The following KAZN variants were observed in gnomAD, a reference collection of about 807,000 sequenced individuals.
KAZN encodes kazrin.
In KAZN, 40 loss-of-function variants were observed where a neutral mutation model predicts 87.4. The ratio of observed to expected loss-of-function variants is 0.46; its 90% CI spans 0.36 to 0.60. The LOEUF is 0.60. Among genes scored for constraint, KAZN ranks in the 20% least tolerant of loss-of-function variants. The pLI is 0.00. For synonymous variants in KAZN, 466 were observed against 458.3 expected, an observed-to-expected ratio of 1.02 and a Z score of -0.22; for missense variants, 898 against 1,073.9, an observed-to-expected ratio of 0.84 and a Z score of 2.29.
intron 1 of KAZN, chr1:14,930,177 G>A (rs1318359890): frequency 3.9e-5 from 26 of 669,538 alleles, no homozygotes; most frequent in Non-Finnish European, 4.6e-5. Flanking sequence ...ACTGTTTTGG[G>A]AAACACCCTC....
chr1:14,712,625 A>G (rs191137469), intron 1 of KAZN, among the ~76,000 whole-genome samples: 1 of 152,192 alleles, frequency 6.6e-6, no homozygotes, highest in East Asian at 1.9e-4. Flanking sequence ...CATTTCATGA[A>G]AGGTCACTCT....
At chr1:14,982,570 C>T (rs1028162356) in intron 2 of KAZN, among the ~76,000 whole-genome samples, 3 of 152,090 alleles carry the variant, frequency 2.0e-5, no homozygotes, top group African/African-American at 4.8e-5. Context: ...GCTGGGACTA[C>T]AGGCATGCGC....
chr1:14,781,189 G>T (rs1645328318), intron 1 of KAZN, among the ~76,000 whole-genome samples: 2 of 152,222 alleles, frequency 1.3e-5, no homozygotes, highest in Admixed American at 6.5e-5. Flanking sequence ...GGGCATGGTG[G>T]CAGGCACCTG....
intron 1 of KAZN, among the ~76,000 whole-genome samples, chr1:14,771,563 C>T (rs1450682826): frequency 6.6e-6 from 1 of 152,040 alleles, no homozygotes; most frequent in Non-Finnish European, 1.5e-5. Context: ...AGGTGGCTTA[C>T]ACCTGTAATC....
intron 1 of KAZN, among the ~76,000 whole-genome samples, chr1:13,981,951 A>C (rs17351137): frequency 6.6e-6 from 1 of 152,048 alleles, no homozygotes; most frequent in Non-Finnish European, 1.5e-5. Flanking sequence ...TGACCTGGTC[A>C]GGGAAAGCCA....
intron 2 of KAZN, among the ~76,000 whole-genome samples, chr1:14,445,820 C>T (rs74059515): frequency 4.5e-4 from 69 of 152,212 alleles, no homozygotes; most frequent in African/African-American, 1.7e-3. Context: ...CTTCCATCTC[C>T]CATTTGTCTC....
chr1:14,176,278 G>A (rs893956475), intron 1 of KAZN, among the ~76,000 whole-genome samples: 4 of 152,088 alleles, frequency 2.6e-5, no homozygotes, highest in African/African-American at 9.7e-5. Context: ...CTCTCTGGCC[G>A]TTTCTGGACT....
At chr1:13,969,128 A>G (rs1294836171) in intron 1 of KAZN, among the ~76,000 whole-genome samples, 1 of 152,222 alleles carries the variant, frequency 6.6e-6, no homozygotes, top group African/African-American at 2.4e-5. Context: ...GGCAGTAAAC[A>G]AAAAACAAGT....
In KAZN at chr1:14,158,414, T is replaced by G. The variant is rs138289285; in HGVS notation, c.92-22021T>G. On this transcript the variant is annotated intron_variant, in intron 1 of 16. Transcript: ENST00000636203. ...AAAGACTCTGATACATTTTTCAGTATGCCAATTGCATTATTCAGCTCCAAA... is the reference window on the plus strand; with the variant it reads ...AAAGACTCTGATACATTTTTCAGTAGGCCAATTGCATTATTCAGCTCCAAA... 1.2e-3 allele frequency among the ~76,000 whole-genome samples: 183 copies of G among 152,284 alleles called. 1 individual carries two copies. The highest frequency in any genetic ancestry group is 4.2e-3 in the African/African-American group (174 of 41,556).
At chr1:13,991,127 C>T (rs1639264125) in intron 1 of KAZN, among the ~76,000 whole-genome samples, 1 of 151,952 alleles carries the variant, frequency 6.6e-6, no homozygotes, top group Non-Finnish European at 1.5e-5. Context: ...GTTTAACAGC[C>T]AGCTCTTGGT....
At chr1:14,308,190 CA>C (rs1655055373) in intron 2 of KAZN, among the ~76,000 whole-genome samples, 2 of 151,800 alleles carry the variant, frequency 1.3e-5, no homozygotes, top group East Asian at 3.9e-4. Flanking sequence ...CATCCTGAAC[CA>C]GGGGAAAAAA....
chr1:14,871,526 TATC>T (rs1445301229), intron 1 of KAZN, among the ~76,000 whole-genome samples: 4 of 151,892 alleles, frequency 2.6e-5, no homozygotes, highest in African/African-American at 9.7e-5. Flanking sequence ...ACACCATTAT[TATC>T]AGTGCATCTG....
At chr1:14,911,310 G>T (rs531512860) in intron 1 of KAZN, among the ~76,000 whole-genome samples, 2 of 152,330 alleles carry the variant, frequency 1.3e-5, no homozygotes, top group East Asian at 3.9e-4. Context: ...ATGTTTGTAG[G>T]ATGATGAAAG....
In KAZN at chr1:14,042,680, A is replaced by G. The variant is rs76700814; in HGVS notation, c.92-137755A>G. 4.7e-3 allele frequency among the ~76,000 whole-genome samples: 708 copies of G among 152,242 alleles called. 4 individuals are homozygous for G. The highest frequency in any genetic ancestry group is 0.016 in the African/African-American group (675 of 41,528). On this transcript the variant is annotated intron_variant, in intron 1 of 16. Transcript: ENST00000636203. Reference sequence around the variant, plus strand: ...TTGTGAATTGATTTTTTAGAGTAGAAGGGGACAGATATTTCTTCATTTTGC... The same window carrying G: ...TTGTGAATTGATTTTTTAGAGTAGAGGGGGACAGATATTTCTTCATTTTGC...
intron 2 of KAZN, among the ~76,000 whole-genome samples, chr1:14,436,729 A>AC (rs1187686919): frequency 1.2e-4 from 6 of 48,532 alleles, no homozygotes; most frequent in South Asian, 7.2e-4. Flanking sequence ...AAAAAAAAAA[A>AC]AAAAAAAAAC....
intron 2 of KAZN, among the ~76,000 whole-genome samples, chr1:14,198,468 C>T (rs752663783): frequency 9.9e-5 from 15 of 152,064 alleles, no homozygotes; most frequent in African/African-American, 2.4e-4. Flanking sequence ...GGCATGGTGG[C>T]GCATGCCTGT....
At chr1:14,804,073 C>T (rs914259579) in intron 1 of KAZN, among the ~76,000 whole-genome samples, 3 of 152,214 alleles carry the variant, frequency 2.0e-5, no homozygotes, top group Non-Finnish European at 2.9e-5. Context: ...GCCTAGCAAG[C>T]TTTGCCCCCA....
chr1:14,665,337 GTT>G (rs1639464531), intron 1 of KAZN, among the ~76,000 whole-genome samples: 4 of 151,474 alleles, frequency 2.6e-5, no homozygotes, highest in Admixed American at 2.0e-4. Context: ...TGTCATCACT[GTT>G]TGCTGTGCAA....
chr1:13,944,811 T>A (rs1641074159), intron 1 of KAZN, among the ~76,000 whole-genome samples: 1 of 151,930 alleles, frequency 6.6e-6, no homozygotes, highest in Non-Finnish European at 1.5e-5. Context: ...AAAGATAAAA[T>A]AAGCAACATA....
Sources: gnomAD v4.1 joint callset for allele counts (sites outside exome capture counted in the v4.1 genomes callset) on GRCh38, gnomAD v4.1.1 for gene constraint, MANE v1.5 for transcripts, NCBI Gene and HGNC (gene_info 2026-07-23, HGNC 2026-07-21) for gene names.